ZNF780A: variants seen among roughly 807,000 people sequenced by gnomAD.
The protein encoded by ZNF780A is zinc finger protein 780A.
ZNF780A carries 40 observed loss-of-function variants against 56.7 expected under a neutral mutation model. The ratio of observed to expected loss-of-function variants is 0.71; its 90% confidence interval spans 0.55 to 0.92. The LOEUF is 0.92. ZNF780A is among the 40% of genes least tolerant of loss of function. The pLI is 0.00. For synonymous variants in ZNF780A, 231 were observed against 248.3 expected (o/e 0.93, Z 0.66); for missense variants, 672 against 783.3 (o/e 0.86, Z 1.70).
Position 40,074,377 on chromosome 19 carries a change from C to A in ZNF780A, c.*139G>T. The A allele has an allele frequency of 6.5e-7, 1 of 1,536,036 alleles. No individual in the cohort carries two copies. Among genetic ancestry groups the A allele is most frequent in the Non-Finnish European group, 8.7e-7 (1 of 1,146,328 alleles). Reference sequence around the variant, plus strand: ...AGAGTTTCTCACTGGAATGAATTTTCTGATGCTGAATAACGTTTGAACCAC... The same window carrying A: ...AGAGTTTCTCACTGGAATGAATTTTATGATGCTGAATAACGTTTGAACCAC... On this transcript the variant is annotated 3_prime_UTR_variant, in exon 6 of 6. Coordinates refer to ENST00000683561, the MANE Select transcript of ZNF780A (RefSeq NM_001142578.2).
In ZNF780A at chr19:40,073,606, T is replaced by G; in HGVS notation, c.*910A>C. The stretch of plus-strand genomic sequence containing the variant: ...CCCTATATTCCTCATTCAAAGACTT[T>G]CTCACAAGAATTATCTTCTCCGAAC... On this transcript the variant is annotated 3_prime_UTR_variant, in exon 6 of 6. Coordinates refer to ENST00000683561, the MANE Select transcript of ZNF780A (RefSeq NM_001142578.2). The G allele has an allele frequency of 3.0e-6, 3 of 985,868 alleles. No homozygotes were observed. Among genetic ancestry groups the G allele is most frequent in the Non-Finnish European group, 3.6e-6 (3 of 830,296 alleles). 61.1% of individuals were successfully genotyped at this position (985,868 alleles called of 1,614,324 possible).
chr19:40,083,049 G>A (rs576650721), intron 4 of ZNF780A, 62 bp downstream of exon 4: 79 of 1,612,168 alleles, frequency 4.9e-5, no homozygotes, highest in African/African-American at 8.0e-5. Context: ...TGAAATTCAC[G>A]GTGAAGAAAG....
chr19:40,085,139 C>G, intron 2 of ZNF780A: 1 of 985,276 alleles, frequency 1.0e-6, no homozygotes, highest in Non-Finnish European at 1.2e-6. Context: ...CTGATCCTGC[C>G]CTTAGCAGAT....
At chr19:40,085,100 G>A in intron 2 of ZNF780A, 1 of 964,208 alleles carries the variant, frequency 1.0e-6, no homozygotes, top group Admixed American at 6.1e-5. Context: ...CCATTCTTGG[G>A]ATACCTATCT....
At chr19:40,087,548 A>C (rs1168053272) in intron 2 of ZNF780A, among the ~76,000 whole-genome samples, 2 of 152,144 alleles carry the variant, frequency 1.3e-5, no homozygotes, top group Non-Finnish European at 2.9e-5. Flanking sequence ...ATAATACTTC[A>C]ATATTTTATT....
chr19:40,075,249 A>C lies in ZNF780A; in HGVS notation c.1193T>G (p.Phe398Cys). The C allele has an allele frequency of 6.2e-7, 1 of 1,613,604 alleles. No homozygotes were observed. Among genetic ancestry groups the C allele is most frequent in the Non-Finnish European group, 8.5e-7 (1 of 1,179,924 alleles). Residue 398 changes from phenylalanine to cysteine, a missense_variant, in exon 6 of 6, where the codon TTT becomes TGT. Coordinates refer to ENST00000683561, the MANE Select transcript of ZNF780A (RefSeq NM_001142578.2). ...PFECKECGKS[F>C]NRSSNLVQHQ... ...TTGAACAAGGTTTGAGCTACGATTA[A>C]AGGACTTCCCACATTCCTTACATTC...
rs1366828958 is a variant in ZNF780A, at chr19:40,075,294, T to G, written c.1148A>C (p.His383Pro). ...ACATTCAAACGGTTTTTCACCTGTG[T>G]GAATGTTCTTATGGCGATTAAGCTG... Reference protein sequence around the residue: ...LNQLNRHKNIHTGEKPFECKE... With the variant: ...LNQLNRHKNIPTGEKPFECKE... Residue 383 changes from histidine to proline, a missense_variant, in exon 6 of 6, where the codon CAC (histidine) becomes CCC (proline). Physicochemically the swap from His to Pro is moderately conservative, Grantham distance 77. Transcript: ENST00000683561. 4 of 1,613,706 alleles carry G rather than the reference T, an allele frequency of 2.5e-6. No homozygotes were observed. In the East Asian group the frequency reaches 8.9e-5, roughly 36 times the overall value.
intron 5 of ZNF780A, among the ~76,000 whole-genome samples, chr19:40,077,779 G>A (rs1015875611): frequency 1.1e-4 from 17 of 149,808 alleles, no homozygotes; most frequent in African/African-American, 3.7e-4. Context: ...GAATCAAAGC[G>A]AAAATGCCCT....
In ZNF780A at chr19:40,084,741, T is replaced by G; in HGVS notation, c.9+4A>C. 1 of 1,552,006 alleles carries G rather than the reference T, an allele frequency of 6.4e-7. No individual in the cohort carries two copies. Among genetic ancestry groups the G allele is most frequent in the Non-Finnish European group, 8.7e-7 (1 of 1,147,328 alleles). ...TCAAGGAAAAGAGAGAAATACAAAC[T>G]TACATGGACCATGTTGCTAGAATTA... On this transcript the variant is annotated splice_donor_region_variant and intron_variant, in intron 3 of 5. Transcript: ENST00000683561.
chr19:40,085,985 T>TA (rs1974774864), intron 2 of ZNF780A, among the ~76,000 whole-genome samples: 1 of 146,944 alleles, frequency 6.8e-6, no homozygotes, highest in Non-Finnish European at 1.5e-5. Flanking sequence ...TATATATATA[T>TA]TTATATATAT....
downstream of ZNF780A, chr19:40,071,631 A>G (rs146236625): frequency 7.2e-5 from 11 of 152,316 alleles, no homozygotes; most frequent in African/African-American, 2.6e-4. Context: ...ATGCACTACA[A>G]ATTAGATCTT....
In ZNF780A at chr19:40,075,902, A is replaced by G; in HGVS notation, c.540T>C (p.Leu180=). 6.2e-7 allele frequency: 1 copy of G among 1,614,152 alleles called. No homozygotes were observed. Among genetic ancestry groups the G allele is most frequent in the Admixed American group, 1.7e-5 (1 of 60,028 alleles). Residue 180 remains leucine (L), a synonymous_variant, in exon 6 of 6, where the codon CTT becomes CTC. Transcript: ENST00000683561. ...CAGTATGAATACTCTGATGCTGAAT[A>G]AGATTTGCACTACGACTAAAGTATT... ...CGKYFSRSAN[L]IQHQSIHTGE...
chr19:40,088,096 TC>T (rs1974919943), intron 2 of ZNF780A, among the ~76,000 whole-genome samples: 1 of 152,120 alleles, frequency 6.6e-6, no homozygotes, highest in Non-Finnish European at 1.5e-5. Flanking sequence ...GTGAAACTGA[TC>T]TGAGCAATGA....
intron 3 of ZNF780A, 138 bp from the exon 4 acceptor site, chr19:40,083,375 C>T (rs1974595566): frequency 4.5e-6 from 6 of 1,343,054 alleles, no homozygotes; most frequent in Non-Finnish European, 6.0e-6. Context: ...TTCAAGAAGT[C>T]TCCTGCTGGC....
rs201102214 is a variant in ZNF780A, at chr19:40,074,869, C to A, written c.1573G>T (p.Gly525Cys). ...QLSQHQKTHT[G>C]EKPFECKECG... ...TCCTTACATTCAAATGGTTTTTCAC[C>A]TGTGTGAGTTTTCTGATGTTGGGAA... Residue 525 changes from glycine (G) to cysteine (C), a missense_variant, in exon 6 of 6, where the codon GGT becomes TGT. By Grantham distance (159) the Gly-to-Cys change is radical (BLOSUM62 -3). Transcript: ENST00000683561. 1 of 1,614,014 alleles carries A rather than the reference C, an allele frequency of 6.2e-7. No individual in the cohort carries two copies. Among genetic ancestry groups the A allele is most frequent in the Non-Finnish European group, 8.5e-7 (1 of 1,180,018 alleles).
At chr19:40,084,602 T>G in intron 3 of ZNF780A, 143 bp downstream of exon 3, 1 of 808,794 alleles carries the variant, frequency 1.2e-6, no homozygotes, top group Non-Finnish European at 1.9e-6. Flanking sequence ...CTTTTTTTTT[T>G]TTTGTCACCA....
chr19:40,085,983 TA>T (rs1974774693), intron 2 of ZNF780A, among the ~76,000 whole-genome samples: 1 of 148,068 alleles, frequency 6.8e-6, no homozygotes, highest in African/African-American at 2.6e-5. Flanking sequence ...TGTATATATA[TA>T]TTTATATATA....
downstream of ZNF780A, chr19:40,070,940 T>C (rs1484930043): frequency 3.9e-5 from 6 of 151,974 alleles, no homozygotes; most frequent in Non-Finnish European, 8.8e-5. Flanking sequence ...AGAATCAATA[T>C]GAAAAAGATG....
intron 2 of ZNF780A, chr19:40,085,350 T>C (rs1974737464): frequency 1.0e-6 from 1 of 985,200 alleles, no homozygotes; most frequent in Non-Finnish European, 1.2e-6. Flanking sequence ...GTTAATACAG[T>C]TCAGAACATC....
Sources: gnomAD v4.1 joint callset for allele counts (sites outside exome capture counted in the v4.1 genomes callset) on GRCh38, gnomAD v4.1.1 for gene constraint, MANE v1.5 for transcripts, NCBI Gene and HGNC (gene_info 2026-07-23, HGNC 2026-07-21) for gene names.